NME2: variants seen among roughly 807,000 people sequenced by gnomAD.
The protein encoded by NME2 is nucleoside diphosphate kinase B.
Under a neutral mutation model 17.8 loss-of-function variants are expected in NME2, and 18 were observed. That is an observed-to-expected ratio of 1.01 (90% CI 0.70 to 1.50). The LOEUF (loss-of-function observed/expected upper bound fraction) is 1.50. Ranked by LOEUF, NME2 falls within the 40% of genes most tolerant of loss-of-function variation. NME2 has a pLI of 0.00. For synonymous variants in NME2, 74 were observed against 71.4 expected (o/e 1.04, Z -0.19); for missense variants, 161 against 195.6 (o/e 0.82, Z 1.05).
At chr17:51,167,543 T>C (rs1253649331) in intron 2 of NME2, among the ~76,000 whole-genome samples, 1 of 151,912 alleles carries the variant, frequency 6.6e-6, no homozygotes, top group African/African-American at 2.4e-5. Flanking sequence ...CCCAGGGGAG[T>C]TTAACATGAC....
chr17:51,170,675 T>C (rs2050052488), intron 4 of NME2, among the ~76,000 whole-genome samples: 1 of 150,366 alleles, frequency 6.7e-6, no homozygotes, highest in Non-Finnish European at 1.5e-5. Flanking sequence ...TAATCCTAGC[T>C]ACTCAGGAGG....
chr17:51,171,446 C>T, intron 4 of NME2, 41 bp from the exon 5 acceptor site: 4 of 1,583,252 alleles, frequency 2.5e-6, no homozygotes, highest in Non-Finnish European at 3.5e-6. Flanking sequence ...CAGACTTTTG[C>T]ACTTTAAAAC....
rs772569205 is a variant in NME2 at position 51,166,902 on chromosome 17, C to T, written c.72C>T (p.Ile24=). The T allele has an allele frequency of 3.7e-6, 6 of 1,613,714 alleles. No individual in the cohort carries two copies. The highest frequency in any genetic ancestry group is 2.2e-5 in the East Asian group (1 of 44,854). The change falls in exon 2 of 5, where the codon ATC becomes ATT. Residue 24 remains isoleucine (I), a synonymous_variant. Coordinates refer to ENST00000512737, the MANE Select transcript of NME2 (RefSeq NM_002512.4). The part of the protein sequence containing the change: ...DGVQRGLVGE[I]IKRFEQKGFR... ...TGCAGCGCGGCCTGGTGGGCGAGAT[C>T]ATCAAGCGCTTCGAGCAGAAGGGAT... is the stretch of plus-strand genomic sequence containing the variant.
intron 3 of NME2, 194 bp from the exon 4 acceptor site, chr17:51,169,743 C>T (rs151197833): frequency 3.1e-5 from 16 of 523,596 alleles, no homozygotes; most frequent in African/African-American, 2.4e-4. Flanking sequence ...CCAAGTTGGA[C>T]AGACTTTTCT....
In NME2 at chr17:51,167,752, C is replaced by T. The variant is rs552272488; in HGVS notation, c.127-490C>T. 3.6e-3 allele frequency among the ~76,000 whole-genome samples: 554 copies of T among 152,198 alleles called. 3 individuals carry two copies. Among genetic ancestry groups the T allele is most frequent in the Middle Eastern group, 6.8e-3 (2 of 294 alleles). On this transcript the variant is annotated intron_variant, in intron 2 of 4. Transcript: ENST00000512737. ...CTATAATCCCAGCAATTTGGGAGGC[C>T]GAGGTGGGTGGAGCCCAGGAGTTGG...
chr17:51,169,722 C>T, intron 3 of NME2: 1 of 489,172 alleles, frequency 2.0e-6, no homozygotes, highest in African/African-American at 2.0e-5. Flanking sequence ...CTCAGCTAAA[C>T]TGGGAAGTCC....
At position 51,166,950 on chromosome 17, in the gene NME2, C is replaced by T. The variant is rs372174380; in HGVS notation, c.120C>T (p.Phe40=). Residue 40 remains phenylalanine, a synonymous_variant, in exon 2 of 5, where the codon TTC becomes TTT. Transcript: ENST00000512737. Reference sequence around the variant, plus strand: ...GATTCCGCCTCGTGGCCATGAAGTTCCTCCGGGTAACTCGCCCCCGTCTCC... The same window carrying T: ...GATTCCGCCTCGTGGCCATGAAGTTTCTCCGGGTAACTCGCCCCCGTCTCC... The part of the protein sequence containing the change: ...QKGFRLVAMK[F]LRASEEHLKQ... 7.4e-6 allele frequency: 12 copies of T among 1,613,368 alleles called. No homozygotes were observed. The highest frequency in any genetic ancestry group is 9.3e-6 in the Non-Finnish European group (11 of 1,179,808).
chr17:51,168,442 G>A, intron 3 of NME2, 99 bp downstream of exon 3: 1 of 1,275,282 alleles, frequency 7.8e-7, no homozygotes, highest in South Asian at 1.3e-5. Flanking sequence ...TTTATGAATG[G>A]AACCTGCTGA....
At chr17:51,166,794 G>T in intron 1 of NME2, 33 bp from the exon 2 acceptor site, 1 of 1,572,856 alleles carries the variant, frequency 6.4e-7, no homozygotes, top group Non-Finnish European at 8.6e-7. Flanking sequence ...CAGAGCCTGC[G>T]CCCGGGCCCT....
intron 4 of NME2, among the ~76,000 whole-genome samples, chr17:51,170,743 C>T (rs1274238266): frequency 1.3e-5 from 2 of 148,722 alleles, no homozygotes; most frequent in African/African-American, 5.0e-5. Context: ...GCTAAGATCA[C>T]GCCACTGCAC....
In NME2 at chr17:51,169,933, C is replaced by G. The variant is rs767779566; in HGVS notation, c.229-4C>G. 1.9e-6 allele frequency: 3 copies of G among 1,613,288 alleles called. No individual in the cohort carries two copies. In the South Asian group the frequency reaches 3.3e-5, roughly 18 times the overall value. ...GATTATAAATCCATTTTCACACTTT[C>G]GAGGTCTGGGAGGGGCTGAACGTGG... is the stretch of plus-strand genomic sequence containing the variant. On this transcript the variant is annotated splice_region_variant and splice_polypyrimidine_tract_variant and intron_variant, in intron 3 of 4. Coordinates refer to ENST00000512737, the MANE Select transcript of NME2 (RefSeq NM_002512.4).
In NME2 at chr17:51,171,467, G is replaced by T; in HGVS notation, c.342-20G>T. 1 of 1,608,536 alleles carries T rather than the reference G, an allele frequency of 6.2e-7. No individual in the cohort carries two copies. The highest frequency in any genetic ancestry group is 8.5e-7 in the Non-Finnish European group (1 of 1,175,494). On this transcript the variant is annotated intron_variant, in intron 4 of 4. Coordinates refer to ENST00000512737, the MANE Select transcript of NME2 (RefSeq NM_002512.4). ...TTTGCACTTTAAAACATGGCAACTT[G>T]TAATTGTTTTCTTTCTTAGGAACAT...
chr17:51,169,124 T>C (rs1401409676), intron 3 of NME2, among the ~76,000 whole-genome samples: 1 of 152,018 alleles, frequency 6.6e-6, no homozygotes, highest in Admixed American at 6.6e-5. Context: ...ATGGTGCTAA[T>C]GTCCATTTGG....
intron 2 of NME2, chr17:51,167,232 G>A: frequency 5.3e-6 from 3 of 561,320 alleles, no homozygotes; most frequent in Non-Finnish European, 8.5e-6. Flanking sequence ...GCCGCAGGGG[G>A]GCAGCAGGGA....
At chr17:51,168,714 C>T (rs557438311) in intron 3 of NME2, among the ~76,000 whole-genome samples, 1 of 151,576 alleles carries the variant, frequency 6.6e-6, no homozygotes, top group African/African-American at 2.4e-5. Flanking sequence ...AGGTACATGT[C>T]TCTATGGTTA....
chr17:51,168,872 A>G (rs1476676098), intron 3 of NME2, among the ~76,000 whole-genome samples: 2 of 150,822 alleles, frequency 1.3e-5, no homozygotes, highest in Non-Finnish European at 2.9e-5. Flanking sequence ...CTGAAGCACG[A>G]GAATCGCTTG....
At chr17:51,168,020 A>G (rs1349015304) in intron 2 of NME2, 2 of 299,246 alleles carry the variant, frequency 6.7e-6, no homozygotes, top group Admixed American at 1.0e-4. Context: ...CACACCAAAA[A>G]AAGAACAGTC....
At chr17:51,167,361 C>T (rs529537110) in intron 2 of NME2, 411 of 274,980 alleles carry the variant, frequency 1.5e-3, no homozygotes, top group South Asian at 2.7e-3. Context: ...CAGTGCGGTG[C>T]TCCTCCTTTA....
chr17:51,168,688 T>C (rs754654401), intron 3 of NME2, among the ~76,000 whole-genome samples: 8 of 149,428 alleles, frequency 5.4e-5, no homozygotes, highest in East Asian at 2.0e-4. Flanking sequence ...AAAAAAGATA[T>C]GGGAAGGACT....
Sources: gnomAD v4.1 joint callset for allele counts (sites outside exome capture counted in the v4.1 genomes callset) on GRCh38, gnomAD v4.1.1 for gene constraint, MANE v1.5 for transcripts, NCBI Gene and HGNC (gene_info 2026-07-23, HGNC 2026-07-21) for gene names.